The following NEK1 variants were observed in gnomAD, a reference collection of about 807,000 sequenced individuals.
NEK1 encodes NIMA related kinase 1.
A neutral mutation model predicts 182.1 loss-of-function variants in NEK1; 137 were observed. That is an observed-to-expected ratio of 0.75 (90% CI 0.65 to 0.87). The LOEUF (loss-of-function observed/expected upper bound fraction) is 0.87. Ranked by LOEUF, NEK1 falls within the 40% of genes least tolerant of loss-of-function variation. NEK1 has a pLI of 0.00. For synonymous variants in NEK1, 513 were observed against 492.2 expected, an observed-to-expected ratio of 1.04 and a Z score of -0.56; for missense variants, 1,391 against 1,494.4, an observed-to-expected ratio of 0.93 and a Z score of 1.14.
chr4:169,469,229 C>T (rs1293188386), intron 26 of NEK1, among the ~76,000 whole-genome samples: 1 of 152,120 alleles, frequency 6.6e-6, no homozygotes, highest in Non-Finnish European at 1.5e-5. Flanking sequence ...AATTTTAGGT[C>T]TTTCCCATTT....
chr4:169,468,506 T>C (rs1463791780), intron 26 of NEK1, among the ~76,000 whole-genome samples: 3 of 152,214 alleles, frequency 2.0e-5, no homozygotes, highest in African/African-American at 7.2e-5. Flanking sequence ...CATTGAACTC[T>C]AATAAATAAT....
chr4:169,501,629 A>C (rs1752437955), intron 23 of NEK1, among the ~76,000 whole-genome samples: 1 of 152,180 alleles, frequency 6.6e-6, no homozygotes, highest in African/African-American at 2.4e-5. Flanking sequence ...CATGGAAAGT[A>C]AACAACCTGC....
chr4:169,545,210 C>A (rs1423176764), intron 18 of NEK1, among the ~76,000 whole-genome samples: 1 of 126,726 alleles, frequency 7.9e-6, no homozygotes, highest in East Asian at 2.7e-4. Flanking sequence ...CCCCTCCCCC[C>A]ACCCCACCAC....
At chr4:169,515,497 CTTCTT>C (rs1561332689) in intron 19 of NEK1, among the ~76,000 whole-genome samples, 1 of 131,308 alleles carries the variant, frequency 7.6e-6, no homozygotes, top group African/African-American at 3.2e-5. Flanking sequence ...ATTGCAATAA[CTTCTT>C]TTTTTTTTTT....
chr4:169,476,255 A>G (rs889390065), intron 26 of NEK1, among the ~76,000 whole-genome samples: 2 of 151,886 alleles, frequency 1.3e-5, no homozygotes, highest in Non-Finnish European at 2.9e-5. Flanking sequence ...TGACTGGATC[A>G]TGGGGGCTCT....
chr4:169,524,338 C>G (rs1756551602), intron 19 of NEK1, among the ~76,000 whole-genome samples: 1 of 151,912 alleles, frequency 6.6e-6, no homozygotes, highest in Admixed American at 6.6e-5. Flanking sequence ...GTGGCGCATG[C>G]CTGTAATCCC....
At chr4:169,568,291 A>C (rs1345252698) in intron 12 of NEK1, among the ~76,000 whole-genome samples, 1 of 152,238 alleles carries the variant, frequency 6.6e-6, no homozygotes, top group East Asian at 1.9e-4. Context: ...CCATGTGTAT[A>C]TATTCCAAAC....
In NEK1 at chr4:169,463,244, A is replaced by G. The variant is rs371559942; in HGVS notation, c.2586T>C (p.Ser862=). 3.3e-6 allele frequency: 5 copies of G among 1,500,710 alleles called. No individual in the cohort carries two copies. The African/African-American group carries it at 5.6e-5, about 17-fold the overall frequency. 93.0% of individuals were successfully genotyped at this position (1,500,710 alleles called of 1,614,324 possible). A position where few individuals can be genotyped will look rare whatever the true frequency, so the allele number is the denominator to read the frequency against. ...TELLENTTIR[S]EISPEGEKYK... Reference sequence around the variant, plus strand: ...GAAAAACTACCAGTTTCTCCTTACCACTTCTAATAGTTGTATTTTCTAATA... The same window carrying G: ...GAAAAACTACCAGTTTCTCCTTACCGCTTCTAATAGTTGTATTTTCTAATA... Residue 862 remains serine, a splice_region_variant and synonymous_variant, in exon 27 of 36, where the codon AGT becomes AGC. Coordinates refer to ENST00000507142, the MANE Select transcript of NEK1 (RefSeq NM_001199397.3).
chr4:169,555,961 T>C lies in NEK1; in HGVS notation c.1401A>G (p.Arg467=). 1 of 1,613,750 alleles carries C rather than the reference T, an allele frequency of 6.2e-7. No individual in the cohort carries two copies. The highest frequency in any genetic ancestry group is 1.6e-4 in the Middle Eastern group (1 of 6,062). ...CTGGAAGACCTCGACCATATATTTC[T>C]CTTTTCCATTTAGCTTCATTATCTT... ...RAEDNEAKWK[R]EIYGRGLPER... is the part of the protein sequence containing the mutation. Residue 467 remains arginine, a synonymous_variant, in exon 17 of 36, where the codon AGA becomes AGG. Coordinates refer to ENST00000507142, the MANE Select transcript of NEK1 (RefSeq NM_001199397.3).
In NEK1 at chr4:169,556,838, T is replaced by C. The variant is rs574142480; in HGVS notation, c.1267-743A>G. ...GGTCTTGATAGCAATGTAAGGAGAG[T>C]AAATATGAGCCAAGGCATTAAAGTA... On this transcript the variant is annotated intron_variant, in intron 16 of 35. Coordinates refer to ENST00000507142, the MANE Select transcript of NEK1 (RefSeq NM_001199397.3). Among the ~76,000 whole-genome samples, 3 of 150,918 alleles carry C rather than the reference T, an allele frequency of 2.0e-5. No individual in the cohort carries two copies. In the South Asian group the frequency reaches 6.3e-4, roughly 32 times the overall value.
At chr4:169,428,010 T>C (rs1736704836) in intron 29 of NEK1, among the ~76,000 whole-genome samples, 1 of 145,942 alleles carries the variant, frequency 6.9e-6, no homozygotes, top group South Asian at 2.2e-4. Flanking sequence ...TCTGTAGAGG[T>C]GGGGTCTTGC....
intron 3 of NEK1, among the ~76,000 whole-genome samples, 197 bp from the exon 4 acceptor site, chr4:169,602,301 C>G (rs1457304899): frequency 6.6e-6 from 1 of 151,972 alleles, no homozygotes; most frequent in African/African-American, 2.4e-5. Context: ...GGTTACAGAA[C>G]AGCAAGTATA....
chr4:169,493,329 G>C (rs1452210321), intron 23 of NEK1, among the ~76,000 whole-genome samples: 5 of 152,198 alleles, frequency 3.3e-5, no homozygotes, highest in African/African-American at 9.6e-5. Flanking sequence ...AAAAAGAATT[G>C]TCAGCTCACT....
intron 29 of NEK1, among the ~76,000 whole-genome samples, chr4:169,429,638 GAGTA>G (rs1737052135): frequency 6.6e-6 from 1 of 152,076 alleles, no homozygotes; most frequent in Non-Finnish European, 1.5e-5. Flanking sequence ...CTTTGAGGAG[GAGTA>G]AGTATCTGAC....
chr4:169,394,614 A>G, intron 35 of NEK1, 91 bp from the exon 36 acceptor site: 1 of 707,954 alleles, frequency 1.4e-6, no homozygotes, highest in Non-Finnish European at 2.3e-6. Context: ...AAAGGAGAAG[A>G]GCTTTAATGT....
At chr4:169,491,167 A>AGAGG (rs1750020569) in intron 23 of NEK1, among the ~76,000 whole-genome samples, 2 of 142,674 alleles carry the variant, frequency 1.4e-5, no homozygotes, top group Non-Finnish European at 3.0e-5. Flanking sequence ...AAAAAAAGAG[A>AGAGG]GATGGAGAAA....
intron 16 of NEK1, among the ~76,000 whole-genome samples, chr4:169,559,405 T>C (rs1762583848): frequency 6.6e-6 from 1 of 152,206 alleles, no homozygotes; most frequent in South Asian, 2.1e-4. Flanking sequence ...TAATAAGTTC[T>C]ACTTAAAGGT....
At chr4:169,604,677 C>G (rs1427617672) in intron 2 of NEK1, among the ~76,000 whole-genome samples, 1 of 152,180 alleles carries the variant, frequency 6.6e-6, no homozygotes, top group African/African-American at 2.4e-5. Context: ...TAAAAATGAT[C>G]CAATCTCCTT....
chr4:169,552,618 A>T (rs1265686006), intron 18 of NEK1, among the ~76,000 whole-genome samples: 2 of 152,134 alleles, frequency 1.3e-5, no homozygotes, highest in East Asian at 3.9e-4. Flanking sequence ...AAGAAAACAC[A>T]AGGTATACAG....
Sources: gnomAD v4.1 joint callset for allele counts (sites outside exome capture counted in the v4.1 genomes callset) on GRCh38, gnomAD v4.1.1 for gene constraint, MANE v1.5 for transcripts, NCBI Gene and HGNC (gene_info 2026-07-23, HGNC 2026-07-21) for gene names.